SMS: variants seen among roughly 807,000 people sequenced by gnomAD.
SMS encodes spermidine aminopropyltransferase.
SMS carries 3 observed loss-of-function variants against 33.0 expected under a neutral mutation model. That is an observed-to-expected ratio of 0.09 (90% CI 0.04 to 0.23). The LOEUF is 0.23. SMS is among the 10% of genes least tolerant of loss of function. SMS has a pLI of 1.00. For missense variants in SMS, 117 were observed against 288.6 expected, an observed-to-expected ratio of 0.41 and a Z score of 4.31; for synonymous variants, 103 against 112.2, an observed-to-expected ratio of 0.92 and a Z score of 0.52.
intron 1 of SMS, among the ~76,000 whole-genome samples, chrX:21,966,098 A>G (rs767556827): frequency 1.8e-5 from 2 of 112,579 alleles, no homozygotes; most frequent in South Asian, 7.3e-4. Flanking sequence ...TGCATAGTGA[A>G]AAAATCCTTA....
chrX:21,971,073 G>A (rs1262860534), intron 2 of SMS, among the ~76,000 whole-genome samples: 1 of 109,263 alleles, frequency 9.2e-6, no homozygotes, highest in Admixed American at 9.7e-5. Context: ...GGACACGCCT[G>A]TGGTCCCAGC....
intron 1 of SMS, among the ~76,000 whole-genome samples, chrX:21,965,149 A>G (rs1823408930): frequency 8.9e-6 from 1 of 111,874 alleles, no homozygotes; most frequent in Admixed American, 9.5e-5. Context: ...GTACCTGGAT[A>G]ATCCAGATGC....
chrX:21,976,946 T>C (rs1308377927), intron 4 of SMS, 115 bp from the exon 5 acceptor site: 19 of 689,667 alleles, frequency 2.8e-5, no homozygotes, highest in Non-Finnish European at 4.0e-5. Flanking sequence ...TGGATTCGTT[T>C]TGTGCTTGTC....
At chrX:21,961,871 A>G (rs1923380381) in intron 1 of SMS, among the ~76,000 whole-genome samples, 1 of 112,182 alleles carries the variant, frequency 8.9e-6, no homozygotes, top group African/African-American at 3.2e-5. Context: ...ATTTTCAGAG[A>G]ACTTCTGCCA....
intron 9 of SMS, among the ~76,000 whole-genome samples, chrX:21,986,599 G>T (rs1201433304): frequency 1.8e-5 from 2 of 111,847 alleles, no homozygotes; most frequent in Non-Finnish European, 3.8e-5. Flanking sequence ...TTTGCGCTTG[G>T]CAAAATTGTT....
At chrX:21,945,486 G>A (rs978762035) in intron 1 of SMS, among the ~76,000 whole-genome samples, 3 of 111,474 alleles carry the variant, frequency 2.7e-5, no homozygotes, top group Non-Finnish European at 5.7e-5. Context: ...GAAGGTTTGG[G>A]GCAGGGGGTT....
chrX:21,955,598 G>A (rs1199883586), intron 1 of SMS, among the ~76,000 whole-genome samples: 2 of 111,611 alleles, frequency 1.8e-5, no homozygotes, highest in Admixed American at 1.9e-4. Flanking sequence ...TTTCTGTTGG[G>A]TTGTAGCATG....
chrX:21,987,710 A>G (rs1211391234), intron 9 of SMS, among the ~76,000 whole-genome samples: 1 of 112,590 alleles, frequency 8.9e-6, no homozygotes, highest in Non-Finnish European at 1.9e-5. Context: ...AGGCTCTGGG[A>G]TCTTGAACAA....
chrX:21,961,645 G>A (rs1923360809), intron 1 of SMS, among the ~76,000 whole-genome samples: 1 of 111,061 alleles, frequency 9.0e-6, no homozygotes, highest in African/African-American at 3.3e-5. Context: ...CCTTCCTTTA[G>A]TAGTGGTGTA....
intron 9 of SMS, among the ~76,000 whole-genome samples, chrX:21,988,691 A>C (rs1349364208): frequency 1.1e-5 from 1 of 88,229 alleles, no homozygotes; most frequent in East Asian, 3.6e-4. Context: ...AAAAAAAAAA[A>C]AGGAGTCAGG....
intron 1 of SMS, among the ~76,000 whole-genome samples, chrX:21,945,676 C>T (rs1463025883): frequency 9.8e-5 from 9 of 92,221 alleles, no homozygotes; most frequent in African/African-American, 3.6e-4. Flanking sequence ...TCGCCCAGAG[C>T]TGGAGTGCAA....
At chrX:21,968,856 G>A (rs1923921815) in intron 2 of SMS, among the ~76,000 whole-genome samples, 1 of 111,449 alleles carries the variant, frequency 9.0e-6, no homozygotes, top group African/African-American at 3.3e-5. Flanking sequence ...AAAATCTCAC[G>A]AATCAGCACT....
chrX:21,970,800 T>C (rs1185562175), intron 2 of SMS, among the ~76,000 whole-genome samples: 2 of 107,654 alleles, frequency 1.9e-5, no homozygotes, highest in South Asian at 4.2e-4. Flanking sequence ...CTGAACAGAA[T>C]TGATCTTCTA....
intron 9 of SMS, among the ~76,000 whole-genome samples, chrX:21,986,732 C>T (rs1430525433): frequency 8.9e-6 from 1 of 112,471 alleles, no homozygotes; most frequent in Non-Finnish European, 1.9e-5. Flanking sequence ...CAGGAGTCTG[C>T]AAACATTGGG....
intron 9 of SMS, among the ~76,000 whole-genome samples, chrX:21,989,345 G>A (rs771100303): frequency 4.5e-5 from 5 of 111,350 alleles, no homozygotes; most frequent in Non-Finnish European, 9.4e-5. Flanking sequence ...TGAAGCTATC[G>A]AATTTGGATT....
intron 7 of SMS, among the ~76,000 whole-genome samples, chrX:21,982,421 C>A (rs1168738020): frequency 9.1e-6 from 1 of 110,488 alleles, no homozygotes; most frequent in East Asian, 2.8e-4. Context: ...TAGCAACAGA[C>A]TTCACAAAAT....
intron 1 of SMS, among the ~76,000 whole-genome samples, chrX:21,957,389 T>C (rs1923044323): frequency 9.1e-6 from 1 of 110,208 alleles, no homozygotes; most frequent in South Asian, 4.0e-4. Flanking sequence ...CTCCACCTCC[T>C]GAGTTCAAGC....
intron 1 of SMS, among the ~76,000 whole-genome samples, chrX:21,961,502 C>CT (rs1923347994): frequency 9.0e-6 from 1 of 111,457 alleles, no homozygotes; most frequent in Non-Finnish European, 1.9e-5. Context: ...CTTTGGGCAT[C>CT]TGGAGCTGAT....
chrX:21,971,424 C>T (rs183591838), intron 2 of SMS, among the ~76,000 whole-genome samples: 3 of 111,712 alleles, frequency 2.7e-5, no homozygotes, highest in East Asian at 5.6e-4. Flanking sequence ...ATTAGGTTTG[C>T]AGGCAGTTGG....
Sources: gnomAD v4.1 joint callset for allele counts (sites outside exome capture counted in the v4.1 genomes callset) on GRCh38, gnomAD v4.1.1 for gene constraint, MANE v1.5 for transcripts, NCBI Gene and HGNC (gene_info 2026-07-23, HGNC 2026-07-21) for gene names.